NOLC1: variants seen among roughly 807,000 people sequenced by gnomAD.
The protein encoded by NOLC1 is 140 kDa nucleolar phosphoprotein.
A neutral mutation model predicts 73.4 loss-of-function variants in NOLC1; 37 were observed. That is an observed-to-expected ratio of 0.50 (90% CI 0.39 to 0.66). The LOEUF (loss-of-function observed/expected upper bound fraction) is 0.66, where lower values mean the gene tolerates loss of function less well. Among genes scored for constraint, NOLC1 ranks in the 30% least tolerant of loss-of-function variants. The pLI, the probability that NOLC1 is intolerant of heterozygous loss-of-function variation, is 0.00. For missense variants in NOLC1, 921 were observed against 838.9 expected (o/e 1.10, Z -1.21); for synonymous variants, 327 against 302.6 (o/e 1.08, Z -0.84).
intron 10 of NOLC1, 103 bp from the exon 11 acceptor site, chr10:102,161,453 A>T: frequency 3.7e-6 from 3 of 813,918 alleles, no homozygotes; most frequent in Non-Finnish European, 6.0e-6. Flanking sequence ...GCTGATCTGA[A>T]TTTCCTGGGC....
chr10:102,159,947 T>G lies in NOLC1; in HGVS notation c.911T>G (p.Leu304Arg). 1 of 1,610,070 alleles carries G rather than the reference T, an allele frequency of 6.2e-7. No homozygotes were observed. The highest frequency in any genetic ancestry group is 8.5e-7 in the Non-Finnish European group (1 of 1,178,156). The change falls in exon 8 of 13, where the codon CTG becomes CGG. Residue 304 changes from leucine (L) to arginine (R), a missense_variant. Physicochemically the swap from Leu to Arg is moderately radical, Grantham distance 102 (BLOSUM62 -2). Transcript: ENST00000605788. ...PPSAPPPKKS[L>R]GTQPPKKAVE... is the part of the protein sequence containing the mutation. ...TCTGCTCCCCCACCAAAGAAGTCTC[T>G]GGGAACCCAGCCTCCCAAGAAGGCT...
Position 102,160,583 on chromosome 10 carries a change from G to A in NOLC1, c.1231G>A (p.Gly411Ser). ...AGCTGCAGCCCCCAAGCAACCTGTG[G>A]GCGGTGGCCAGAAGCTTCTGACGAG... ...KPAAAPKQPV[G>S]GGQKLLTRKA... is the part of the protein sequence containing the mutation. Residue 411 changes from glycine to serine, a missense_variant, in exon 10 of 13, where the codon GGC becomes AGC. By Grantham distance (56) the Gly-to-Ser change is moderately conservative. Transcript: ENST00000605788. 1 of 1,614,172 alleles carries A rather than the reference G, an allele frequency of 6.2e-7. No individual in the cohort carries two copies. Among genetic ancestry groups the A allele is most frequent in the East Asian group, 2.2e-5 (1 of 44,882 alleles).
At chr10:102,157,926 C>A in intron 4 of NOLC1, 123 bp from the exon 5 acceptor site, 1 of 871,930 alleles carries the variant, frequency 1.1e-6, no homozygotes, top group Non-Finnish European at 1.8e-6. Context: ...TTTCCGTATC[C>A]TGTCCTTAGC....
chr10:102,154,238 ATT>A (rs71016366), intron 1 of NOLC1, among the ~76,000 whole-genome samples: 19 of 126,376 alleles, frequency 1.5e-4, no homozygotes, highest in Admixed American at 2.5e-4. Context: ...TGCCTGGCTA[ATT>A]TTTTTTTTTT....
intron 4 of NOLC1, 84 bp from the exon 5 acceptor site, chr10:102,157,965 C>A: frequency 8.2e-7 from 1 of 1,225,766 alleles, no homozygotes; most frequent in East Asian, 2.3e-5. Context: ...CTCCATTAGG[C>A]CCCTAAAAAT....
Position 102,157,235 on chromosome 10 carries a change from G to C in NOLC1, c.223G>C (p.Ala75Pro). ...AAAGTTACAGGCAAATGGACCAGTG[G>C]CTAAGAAAGCTAAGAAGAAGGCCTC... ...ERKLQANGPV[A>P]KKAKKKASSS... The change falls in exon 3 of 13, where the codon GCT (alanine) becomes CCT (proline). Residue 75 changes from alanine to proline, a missense_variant. By Grantham distance (27) the Ala-to-Pro change is conservative. Transcript: ENST00000605788. The C allele has an allele frequency of 6.2e-7, 1 of 1,614,206 alleles. No homozygotes were observed. Among genetic ancestry groups the C allele is most frequent in the Non-Finnish European group, 8.5e-7 (1 of 1,180,038 alleles).
At chr10:102,157,641 T>A in intron 4 of NOLC1, 86 bp downstream of exon 4, 1 of 1,456,778 alleles carries the variant, frequency 6.9e-7, no homozygotes. Context: ...AACCAAGGGG[T>A]GATGGCGGCA....
Position 102,160,731 on chromosome 10 carries a change from A to T in NOLC1, c.1379A>T (p.Lys460Met). ...TAKAALSLPA[K>M]QAPQGSRDSS... ...AAAGCAGCTCTATCTCTGCCTGCCAAGCAGGCTCCTCAGGGTAGTAGGGAC... is the reference window on the plus strand; with the variant it reads ...AAAGCAGCTCTATCTCTGCCTGCCATGCAGGCTCCTCAGGGTAGTAGGGAC... Residue 460 changes from lysine (K) to methionine (M), a missense_variant, in exon 10 of 13, where the codon AAG becomes ATG. Lys to Met is a moderately conservative substitution (Grantham distance 95). Transcript: ENST00000605788. The T allele has an allele frequency of 1.2e-6, 2 of 1,614,130 alleles. No individual in the cohort carries two copies. The highest frequency in any genetic ancestry group is 1.7e-6 in the Non-Finnish European group (2 of 1,179,970).
rs1028358023 is a variant in NOLC1, at chr10:102,159,434, C to G, written c.725C>G (p.Thr242Ser). The part of the protein sequence containing the change: ...EEKAAATPKK[T>S]VPKKQVVAKA... The stretch of plus-strand genomic sequence containing the variant: ...TAATCAATTTTCTTTCTAATGCAGA[C>G]TGTACCTAAAAAGCAAGTTGTGGCC... Residue 242 changes from threonine to serine, a missense_variant and splice_region_variant, in exon 7 of 13, where the codon ACT becomes AGT. By Grantham distance (58) the Thr-to-Ser change is moderately conservative. Transcript: ENST00000605788. 1.9e-6 allele frequency: 3 copies of G among 1,614,162 alleles called. No homozygotes were observed. Among genetic ancestry groups the G allele is most frequent in the Non-Finnish European group, 2.5e-6 (3 of 1,180,028 alleles).
intron 9 of NOLC1, 53 bp from the exon 10 acceptor site, chr10:102,160,399 G>A: frequency 2.5e-6 from 4 of 1,612,982 alleles, no homozygotes; most frequent in Non-Finnish European, 3.4e-6. Flanking sequence ...GCTGCTAAGG[G>A]CTCCCCTGAA....
At position 102,163,254 on chromosome 10, in the gene NOLC1, A is replaced by G. The variant is rs959321736; in HGVS notation, c.*985A>G. ...TCACTGATCAAGAAAGTGGGGGGAA[A>G]AAAAACAAACGTTAAAACCTCAATC... On this transcript the variant is annotated 3_prime_UTR_variant, in exon 13 of 13. Coordinates refer to ENST00000605788, the MANE Select transcript of NOLC1 (RefSeq NM_004741.5). 3 of 151,820 alleles carry G rather than the reference A, an allele frequency of 2.0e-5. No homozygotes were observed. Among genetic ancestry groups the G allele is most frequent in the African/African-American group, 7.2e-5 (3 of 41,448 alleles). The allele number at this position is 151,820 out of a possible 1,614,324, so 9.4% of individuals were successfully genotyped here. A position where few individuals can be genotyped will look rare whatever the true frequency, so the allele number is the denominator to read the frequency against.
chr10:102,160,199 CTG>C, intron 8 of NOLC1, 32 bp from the exon 9 acceptor site: 1 of 1,604,908 alleles, frequency 6.2e-7, no homozygotes. Context: ...GGTTGGGACT[CTG>C]GACCCAGCAT....
rs781014774 is a variant in NOLC1, at chr10:102,158,230, C to G, written c.607+16C>G. The G allele has an allele frequency of 2.5e-6, 4 of 1,611,716 alleles. No individual in the cohort carries two copies. In the South Asian group the frequency reaches 3.3e-5, roughly 13 times the overall value. ...CCCAAACCAGGTACTGTTTCTGTTC[C>G]CAAGAGGCTGGGCTGGGGACCAGAT... On this transcript the variant is annotated intron_variant, in intron 5 of 12. Coordinates refer to ENST00000605788, the MANE Select transcript of NOLC1 (RefSeq NM_004741.5).
rs138661407 is a variant in NOLC1, at chr10:102,160,880, A to G, written c.1528A>G (p.Lys510Glu). 10 of 1,614,102 alleles carry G rather than the reference A, an allele frequency of 6.2e-6. No individual in the cohort carries two copies. Among genetic ancestry groups the G allele is most frequent in the African/African-American group, 1.3e-5 (1 of 74,936 alleles). The change falls in exon 10 of 13, where the codon AAG (lysine) becomes GAG (glutamate). Residue 510 changes from lysine (K) to glutamate (E), a missense_variant. Coordinates refer to ENST00000605788, the MANE Select transcript of NOLC1 (RefSeq NM_004741.5). Reference protein sequence around the residue: ...GAAPSKPASAKKGKAESSNSS... With the variant: ...GAAPSKPASAEKGKAESSNSS... ...AGCCCCTTCCAAGCCAGCCTCTGCA[A>G]AGAAAGGAAAGGCTGAGAGCAGCAA...
rs751862381 is a variant in NOLC1, at chr10:102,161,607, C to T, written c.1793C>T (p.Pro598Leu). 7 of 1,614,048 alleles carry T rather than the reference C, an allele frequency of 4.3e-6. No individual in the cohort carries two copies. In the Admixed American group the frequency reaches 1.0e-4, roughly 23 times the overall value. ...QNEAAKEAET[P>L]QAKKIKLQTP... The stretch of plus-strand genomic sequence containing the variant: ...GAGGCTGCCAAGGAGGCAGAGACTC[C>T]TCAGGCCAAGAAGATAAAGCTTCAG... The change falls in exon 11 of 13, where the codon CCT (proline) becomes CTT (leucine). Residue 598 changes from proline to leucine, a missense_variant. Pro to Leu is a moderately conservative substitution (Grantham distance 98). Coordinates refer to ENST00000605788, the MANE Select transcript of NOLC1 (RefSeq NM_004741.5).
chr10:102,157,088 G>T lies in NOLC1; in HGVS notation c.176+14G>T. ...CTTCTGGCTCAAGTAAGCCTTTCCT[G>T]TTCCATTTTGGCTATTTTCTCCCCC... is the stretch of plus-strand genomic sequence containing the variant. On this transcript the variant is annotated intron_variant, in intron 2 of 12. Coordinates refer to ENST00000605788, the MANE Select transcript of NOLC1 (RefSeq NM_004741.5). 1.2e-6 allele frequency: 2 copies of T among 1,613,974 alleles called. No individual in the cohort carries two copies. The highest frequency in any genetic ancestry group is 1.7e-6 in the Non-Finnish European group (2 of 1,179,922).
At chr10:102,154,238 A>ATTT (rs71016366) in intron 1 of NOLC1, among the ~76,000 whole-genome samples, 59 of 126,418 alleles carry the variant, frequency 4.7e-4, no homozygotes, top group South Asian at 7.7e-4. Flanking sequence ...TGCCTGGCTA[A>ATTT]TTTTTTTTTT....
intron 1 of NOLC1, among the ~76,000 whole-genome samples, chr10:102,156,812 C>G (rs2069603695): frequency 6.6e-6 from 1 of 152,052 alleles, no homozygotes; most frequent in Admixed American, 6.6e-5. Context: ...GATGGTGCCG[C>G]AAACATAGGA....
Position 102,162,331 on chromosome 10 carries a change from A to T in NOLC1, c.*62A>T, listed in dbSNP as rs2069727895. On this transcript the variant is annotated 3_prime_UTR_variant, in exon 13 of 13. Coordinates refer to ENST00000605788, the MANE Select transcript of NOLC1 (RefSeq NM_004741.5). Reference sequence around the variant, plus strand: ...GGAGACTACTTACTTTCTCCAGTGGACCTGGGAACCCTCAGGTCTCTAGGT... The same window carrying T: ...GGAGACTACTTACTTTCTCCAGTGGTCCTGGGAACCCTCAGGTCTCTAGGT... 2 of 1,570,568 alleles carry T rather than the reference A, an allele frequency of 1.3e-6. No homozygotes were observed. Among genetic ancestry groups the T allele is most frequent in the Admixed American group, 3.5e-5 (2 of 57,148 alleles).
Sources: allele counts gnomAD v4.1 joint callset (sites outside exome capture counted in the v4.1 genomes callset), GRCh38; gene constraint gnomAD v4.1.1; transcripts MANE v1.5; gene names NCBI Gene and HGNC (gene_info 2026-07-23, HGNC 2026-07-21).